Variants in MITF observed in about 807,000 individuals in gnomAD.
The protein encoded by MITF is melanocyte inducing transcription factor.
Under a neutral mutation model 60.5 loss-of-function variants are expected in MITF, and 17 were observed. The observed-to-expected ratio is 0.28, with a 90% confidence interval of 0.19 to 0.42. The LOEUF is 0.42. Among genes scored for constraint, MITF ranks in the 10% least tolerant of loss-of-function variants. The pLI is 1.00. For missense variants in MITF, 622 were observed against 683.5 expected, an observed-to-expected ratio of 0.91 and a Z score of 1.00; for synonymous variants, 260 against 248.5, an observed-to-expected ratio of 1.05 and a Z score of -0.43.
chr3:69,961,724 C>CA (rs1559753374), intron 9 of MITF, among the ~76,000 whole-genome samples: 2 of 152,160 alleles, frequency 1.3e-5, no homozygotes, highest in Admixed American at 6.5e-5. Context: ...GACTCCGTCT[C>CA]AAAAAACAAA....
intron 1 of MITF, among the ~76,000 whole-genome samples, chr3:69,800,915 G>T (rs9832459): frequency 0.018 from 2,806 of 152,142 alleles, 77 homozygotes; most frequent in African/African-American, 0.063. Flanking sequence ...TACAAATTAG[G>T]ATTTATTCTA....
intron 1 of MITF, among the ~76,000 whole-genome samples, chr3:69,868,958 A>G (rs1014506934): frequency 6.6e-6 from 1 of 151,812 alleles, no homozygotes. Flanking sequence ...AAATATATTC[A>G]TTGATTATAT....
intron 1 of MITF, among the ~76,000 whole-genome samples, chr3:69,834,325 C>T (rs2063504459): frequency 6.6e-6 from 1 of 152,198 alleles, no homozygotes; most frequent in South Asian, 2.1e-4. Flanking sequence ...CTTCACCCAT[C>T]CCCTTCCTAG....
At chr3:69,920,717 A>C (rs1399727591) in intron 2 of MITF, among the ~76,000 whole-genome samples, 1 of 152,148 alleles carries the variant, frequency 6.6e-6, no homozygotes, top group Non-Finnish European at 1.5e-5. Flanking sequence ...AATAAATAAC[A>C]GTGCAGCCAG....
chr3:69,875,845 C>T (rs1026992092), intron 1 of MITF, among the ~76,000 whole-genome samples: 2 of 152,202 alleles, frequency 1.3e-5, no homozygotes, highest in Non-Finnish European at 2.9e-5. Flanking sequence ...AGCTGAGAAT[C>T]TGGGAGTCAT....
At chr3:69,874,414 T>C (rs775665088) in intron 1 of MITF, among the ~76,000 whole-genome samples, 2 of 152,216 alleles carry the variant, frequency 1.3e-5, no homozygotes, top group African/African-American at 4.8e-5. Context: ...TTTAATATTA[T>C]TATTTTTACC....
intron 4 of MITF, among the ~76,000 whole-genome samples, 185 bp downstream of exon 4, chr3:69,939,366 G>A (rs2065918915): frequency 6.6e-6 from 1 of 151,384 alleles, no homozygotes; most frequent in South Asian, 2.1e-4. Flanking sequence ...TGACAAGGGA[G>A]AATAAACTAA....
intron 2 of MITF, among the ~76,000 whole-genome samples, chr3:69,907,204 G>T (rs12107267): frequency 0.015 from 2,357 of 152,164 alleles, 25 homozygotes; most frequent in Middle Eastern, 0.051. Flanking sequence ...GAAATATAAC[G>T]TAAGTCGTCC....
chr3:69,948,941 G>A, intron 5 of MITF, 110 bp from the exon 6 acceptor site: 1 of 802,300 alleles, frequency 1.2e-6, no homozygotes, highest in South Asian at 1.5e-5. Context: ...ATGATTTTTT[G>A]TATCAAATAA....
chr3:69,839,970 G>A (rs2107135403), intron 1 of MITF, among the ~76,000 whole-genome samples: 1 of 151,346 alleles, frequency 6.6e-6, no homozygotes, highest in Admixed American at 6.6e-5. Flanking sequence ...CTCTCTTTCT[G>A]GGACATCAGT....
chr3:69,920,056 T>C (rs2065427811), intron 2 of MITF, among the ~76,000 whole-genome samples: 1 of 152,210 alleles, frequency 6.6e-6, no homozygotes, highest in Admixed American at 6.5e-5. Flanking sequence ...ATTATAATAA[T>C]CCTCTCTCTG....
At chr3:69,800,611 C>A (rs923807102) in intron 1 of MITF, among the ~76,000 whole-genome samples, 1 of 152,020 alleles carries the variant, frequency 6.6e-6, no homozygotes, top group African/African-American at 2.4e-5. Context: ...ACATCTTTGC[C>A]AACACTTGTT....
rs1199660754 is a variant in MITF at position 69,967,422 on chromosome 3, A to G, written c.*2174A>G. 1 of 233,166 alleles carries G rather than the reference A, an allele frequency of 4.3e-6. No homozygotes were observed. 14.4% of individuals were successfully genotyped at this position (233,166 alleles called of 1,614,324 possible). ...ATATGGGGGGGAGGGCGCTGGATGCAAAAGTTGAAGATCGTGATGCTATGA... is the reference window on the plus strand; with the variant it reads ...ATATGGGGGGGAGGGCGCTGGATGCGAAAGTTGAAGATCGTGATGCTATGA... On this transcript the variant is annotated 3_prime_UTR_variant, in exon 10 of 10. Coordinates refer to ENST00000352241, the MANE Select transcript of MITF (RefSeq NM_001354604.2).
chr3:69,764,936 C>G (rs899190723), intron 1 of MITF, among the ~76,000 whole-genome samples: 1 of 152,092 alleles, frequency 6.6e-6, no homozygotes. Flanking sequence ...GAGTCTGGGC[C>G]TCAGGCTTTC....
chr3:69,952,779 G>A (rs973313877), intron 7 of MITF, among the ~76,000 whole-genome samples: 5 of 151,958 alleles, frequency 3.3e-5, no homozygotes, highest in African/African-American at 7.3e-5. Context: ...TAACACAAAC[G>A]GTATCATATT....
At position 69,965,159 on chromosome 3, in the gene MITF, C is replaced by G. The variant is rs1414338937; in HGVS notation, c.1492C>G (p.Pro498Ala). 6.2e-7 allele frequency: 1 copy of G among 1,613,958 alleles called. No homozygotes were observed. The highest frequency in any genetic ancestry group is 1.7e-5 in the Admixed American group (1 of 60,004). ...DTLSPVGVTD[P>A]LLSSVSPGAS... ...CCTTTCTCCCGTCGGTGTCACTGAT[C>G]CACTCCTTTCCTCAGTGTCCCCCGG... is the stretch of plus-strand genomic sequence containing the variant. Residue 498 changes from proline to alanine, a missense_variant, in exon 10 of 10, where the codon CCA becomes GCA. Coordinates refer to ENST00000352241, the MANE Select transcript of MITF (RefSeq NM_001354604.2).
At chr3:69,890,109 G>A (rs1365965765) in intron 2 of MITF, among the ~76,000 whole-genome samples, 1 of 151,966 alleles carries the variant, frequency 6.6e-6, no homozygotes, top group African/African-American at 2.4e-5. Context: ...CCTACTGCCC[G>A]CCACAAAGAA....
Position 69,800,459 on chromosome 3 carries a change from G to A in MITF, c.104+60758G>A, listed in dbSNP as rs554183029. Reference sequence around the variant, plus strand: ...TTCTCTTGAGTATTTACCTAAGAGCGGAATGGCTGGGTCACATGATTAAAC... The same window carrying A: ...TTCTCTTGAGTATTTACCTAAGAGCAGAATGGCTGGGTCACATGATTAAAC... On this transcript the variant is annotated intron_variant, in intron 1 of 9. Transcript: ENST00000352241. Among the ~76,000 whole-genome samples the A allele has an allele frequency of 7.2e-5, 11 of 152,184 alleles. 1 individual carries two copies. The South Asian group carries it at 1.2e-3, about 17-fold the overall frequency.
At chr3:69,827,907 T>G (rs1438180956) in intron 1 of MITF, among the ~76,000 whole-genome samples, 2 of 152,156 alleles carry the variant, frequency 1.3e-5, no homozygotes, top group Non-Finnish European at 2.9e-5. Context: ...AAATGAGGAA[T>G]CAACAGTTGC....
Sources: gnomAD v4.1 joint callset for allele counts (sites outside exome capture counted in the v4.1 genomes callset) on GRCh38, gnomAD v4.1.1 for gene constraint, MANE v1.5 for transcripts, NCBI Gene and HGNC (gene_info 2026-07-23, HGNC 2026-07-21) for gene names.